The following DAB1 variants were observed in gnomAD, a reference collection of about 807,000 sequenced individuals.
DAB1 encodes the protein disabled homolog 1.
DAB1 carries 15 observed loss-of-function variants against 64.6 expected under a neutral mutation model. That is an observed-to-expected ratio of 0.23 (90% CI 0.16 to 0.36). The LOEUF (loss-of-function observed/expected upper bound fraction) is 0.36, where lower values mean the gene tolerates loss of function less well. Ranked by LOEUF, DAB1 falls within the 10% of genes least tolerant of loss-of-function variation. The pLI, the probability that DAB1 is intolerant of heterozygous loss-of-function variation, is 1.00. For synonymous variants in DAB1, 235 were observed against 251.9 expected (o/e 0.93, Z 0.64); for missense variants, 596 against 706.7 (o/e 0.84, Z 1.78).
At position 58,074,564 on chromosome 1, in the gene DAB1, G is replaced by GTATATATATATATA. The variant is rs375821412; in HGVS notation, n.387+75933_387+75946dup. Reference sequence around the variant, plus strand: ...TATATACACACATATATATATGTGTGTATATATATATATATATATATATAT... The same window carrying GTATATATATATATA: ...TATATACACACATATATATATGTGTGTATATATATATATATATATATATATATATATATATATAT... On this transcript the variant is annotated intron_variant and non_coding_transcript_variant, in intron 5 of 20. Coordinates refer to the DAB1 transcript ENST00000485760. 300 of 91,620 alleles carry GTATATATATATATA rather than the reference G, an allele frequency of 3.3e-3. 1 individual carries two copies. The highest frequency in any genetic ancestry group is 0.012 in the African/African-American group (283 of 22,938). The allele number at this position is 91,620 out of a possible 1,614,324, so 5.7% of individuals were successfully genotyped here. A position where few individuals can be genotyped will look rare whatever the true frequency, so the allele number is the denominator to read the frequency against.
chr1:57,888,117 C>A (rs183737137), upstream of DAB1, among the ~76,000 whole-genome samples: 4 of 152,146 alleles, frequency 2.6e-5, no homozygotes, highest in Non-Finnish European at 5.9e-5. Context: ...CCGACCACGA[C>A]ATTGGATGAT....
intron 3 of DAB1, among the ~76,000 whole-genome samples, chr1:58,390,656 A>G (rs915987263): frequency 3.3e-5 from 5 of 152,240 alleles, no homozygotes; most frequent in African/African-American, 1.2e-4. Context: ...AAATGTTCAC[A>G]TTTGTAATAA....
chr1:58,108,820 A>T (rs1651810197), intron 5 of DAB1, among the ~76,000 whole-genome samples: 1 of 152,230 alleles, frequency 6.6e-6, no homozygotes, highest in Non-Finnish European at 1.5e-5. Context: ...CTCCAGTGAC[A>T]AGTACACGTA....
At chr1:57,986,270 G>C (rs1475214138) in intron 5 of DAB1, among the ~76,000 whole-genome samples, 2 of 152,140 alleles carry the variant, frequency 1.3e-5, no homozygotes, top group Admixed American at 1.3e-4. Flanking sequence ...TATTGGAGGA[G>C]GTGGGGCCTT....
chr1:57,904,348 T>C (rs1305008649), intron 5 of DAB1, among the ~76,000 whole-genome samples: 2 of 152,162 alleles, frequency 1.3e-5, no homozygotes, highest in African/African-American at 4.8e-5. Context: ...AAAATCTTGC[T>C]CGAGGGTCTT....
At chr1:58,341,130 CA>C (rs1332848310) in intron 4 of DAB1, among the ~76,000 whole-genome samples, 1 of 151,918 alleles carries the variant, frequency 6.6e-6, no homozygotes, top group African/African-American at 2.4e-5. Context: ...TAATTTGAAG[CA>C]AAAAATAATT....
chr1:58,466,248 G>A (rs545066295), intron 3 of DAB1, among the ~76,000 whole-genome samples: 2 of 152,206 alleles, frequency 1.3e-5, no homozygotes, highest in Admixed American at 6.5e-5. Flanking sequence ...CAAAGTTTCC[G>A]TAGGATTGTC....
intron 6 of DAB1, among the ~76,000 whole-genome samples, chr1:57,796,712 G>A (rs903649919): frequency 6.6e-6 from 1 of 152,226 alleles, no homozygotes; most frequent in African/African-American, 2.4e-5. Context: ...GCCTCTACCT[G>A]CTTTGGCCTC....
At chr1:57,701,788 A>G (rs1646911518) in intron 6 of DAB1, among the ~76,000 whole-genome samples, 1 of 152,070 alleles carries the variant, frequency 6.6e-6, no homozygotes, top group Non-Finnish European at 1.5e-5. Context: ...TGCTGTGAAG[A>G]GCCTCTAATA....
chr1:58,425,793 C>A (rs1176819918), intron 3 of DAB1, among the ~76,000 whole-genome samples: 1 of 151,976 alleles, frequency 6.6e-6, no homozygotes, highest in South Asian at 2.1e-4. Context: ...TCAAACATGG[C>A]AGAGTTCAAC....
intron 6 of DAB1, among the ~76,000 whole-genome samples, chr1:57,684,812 A>G (rs1350781589): frequency 1.3e-5 from 2 of 152,202 alleles, no homozygotes; most frequent in African/African-American, 4.8e-5. Flanking sequence ...CCCACTTAAA[A>G]GACATAGAGT....
At chr1:57,404,693 C>T (rs1683496948) in intron 1 of DAB1, among the ~76,000 whole-genome samples, 1 of 152,134 alleles carries the variant, frequency 6.6e-6, no homozygotes, top group South Asian at 2.1e-4. Context: ...GTAGCCACTA[C>T]ATGGTTAACA....
At position 57,536,250 on chromosome 1, in the gene DAB1, C is replaced by A. The variant is rs1018800830; in HGVS notation, n.625+113342G>T. On this transcript the variant is annotated intron_variant and non_coding_transcript_variant, in intron 7 of 20. Transcript: ENST00000485760. The stretch of plus-strand genomic sequence containing the variant: ...AACAGTTGGTCTCTGAACTTGATGT[C>A]AAGCCAGTGACAAATCCCTCAACTG... 2.6e-5 allele frequency among the ~76,000 whole-genome samples: 4 copies of A among 152,188 alleles called. No homozygotes were observed. The South Asian group carries it at 8.3e-4, about 31-fold the overall frequency.
chr1:58,415,340 C>A (rs528281736), intron 3 of DAB1: 1 of 224,560 alleles, frequency 4.5e-6, no homozygotes, highest in Non-Finnish European at 7.5e-6. Context: ...GTTATAGCAG[C>A]TTGTGCAGAC....
intron 5 of DAB1, among the ~76,000 whole-genome samples, chr1:58,003,728 T>C (rs1371781089): frequency 6.6e-6 from 1 of 152,170 alleles, no homozygotes; most frequent in East Asian, 1.9e-4. Flanking sequence ...CAAGGTGGCC[T>C]TGTGGGAAAT....
chr1:57,917,009 T>C (rs1478553293), intron 5 of DAB1, among the ~76,000 whole-genome samples: 5 of 152,120 alleles, frequency 3.3e-5, no homozygotes, highest in Admixed American at 6.5e-5. Context: ...ACAAACAGAA[T>C]TGGAACTCAG....
At chr1:58,376,067 C>G (rs1424983577) in intron 3 of DAB1, among the ~76,000 whole-genome samples, 1 of 152,094 alleles carries the variant, frequency 6.6e-6, no homozygotes, top group South Asian at 2.1e-4. Flanking sequence ...TTTGATTCTT[C>G]TCTCTTTTTT....
intron 4 of DAB1, among the ~76,000 whole-genome samples, chr1:58,187,069 C>G (rs1489613370): frequency 6.6e-6 from 1 of 152,100 alleles, no homozygotes; most frequent in Non-Finnish European, 1.5e-5. Flanking sequence ...ACATATAACC[C>G]AACTTCATGG....
intron 2 of DAB1, among the ~76,000 whole-genome samples, chr1:57,210,014 T>C (rs1254061727): frequency 6.6e-6 from 1 of 152,226 alleles, no homozygotes; most frequent in Non-Finnish European, 1.5e-5. Context: ...CTTAGCCAAA[T>C]GACTTAACCT....
Sources: allele counts gnomAD v4.1 joint callset (sites outside exome capture counted in the v4.1 genomes callset), GRCh38; gene constraint gnomAD v4.1.1; transcripts MANE v1.5; gene names NCBI Gene and HGNC (gene_info 2026-07-23, HGNC 2026-07-21).